Variants in IGDCC3 observed in about 807,000 individuals in gnomAD.
IGDCC3 encodes the protein immunoglobulin superfamily DCC subclass member 3.
Under a neutral mutation model 72.0 loss-of-function variants are expected in IGDCC3, and 47 were observed. The ratio of observed to expected loss-of-function variants is 0.65; its 90% CI spans 0.52 to 0.83. IGDCC3 has a LOEUF of 0.83. Ranked by LOEUF, IGDCC3 falls within the 40% of genes least tolerant of loss-of-function variation. The pLI, the probability that IGDCC3 is intolerant of heterozygous loss-of-function variation, is 0.00. For synonymous variants in IGDCC3, 477 were observed against 472.8 expected (o/e 1.01, Z -0.11); for missense variants, 1,038 against 1,091.3 (o/e 0.95, Z 0.69).
At chr15:65,360,706 T>C (rs1215705375) in intron 2 of IGDCC3, among the ~76,000 whole-genome samples, 2 of 152,240 alleles carry the variant, frequency 1.3e-5, no homozygotes, top group African/African-American at 4.8e-5. Flanking sequence ...TATTCAGCTC[T>C]GGCTCTGAAG....
At chr15:65,342,009 A>G (rs1003826365) in intron 2 of IGDCC3, among the ~76,000 whole-genome samples, 2 of 152,054 alleles carry the variant, frequency 1.3e-5, no homozygotes, top group African/African-American at 4.8e-5. Context: ...TCCTGGCCTC[A>G]AGTGATCCTC....
At chr15:65,369,029 G>T (rs1327875433) in intron 2 of IGDCC3, among the ~76,000 whole-genome samples, 2 of 152,172 alleles carry the variant, frequency 1.3e-5, no homozygotes, top group African/African-American at 2.4e-5. Context: ...GGAGACAGAT[G>T]GAATATCCAG....
intron 6 of IGDCC3, among the ~76,000 whole-genome samples, chr15:65,333,022 CGGAG>C (rs2090992404): frequency 6.6e-6 from 1 of 152,122 alleles, no homozygotes; most frequent in South Asian, 2.1e-4. Context: ...TTGACGGACC[CGGAG>C]GGCACGCAGA....
rs1361811969 is a variant in IGDCC3 at position 65,328,487 on chromosome 15, T to A, written c.*422A>T. ...TGAGAGCCAAAACAGCAAAAATCCA[T>A]CCTGAGAAAACAAAGTCGGTGGAGG... On this transcript the variant is annotated 3_prime_UTR_variant, in exon 14 of 14. Transcript: ENST00000327987. The A allele has an allele frequency of 6.4e-6, 1 of 155,224 alleles. No homozygotes were observed. The highest frequency in any genetic ancestry group is 1.4e-5 in the Non-Finnish European group (1 of 70,156). 9.6% of individuals were successfully genotyped at this position (155,224 alleles called of 1,614,324 possible).
intron 1 of IGDCC3, among the ~76,000 whole-genome samples, chr15:65,375,676 A>G (rs946143193): frequency 2.6e-5 from 4 of 152,264 alleles, no homozygotes; most frequent in African/African-American, 9.6e-5. Context: ...TGAAGCCCAG[A>G]GATGTCAAGT....
chr15:65,363,573 C>G (rs968429078), intron 2 of IGDCC3, among the ~76,000 whole-genome samples: 1 of 152,154 alleles, frequency 6.6e-6, no homozygotes, highest in African/African-American at 2.4e-5. Context: ...TGGCTATTGC[C>G]CAGGCAAGGG....
chr15:65,375,219 A>C lies in IGDCC3; in HGVS notation c.287T>G (p.Leu96Trp). ...CTCCAGCCTGAAGTGACGGATCATC[A>C]AGGACCCATTGGCCAGCAAGGTGGA... ...THSTLLANGS[L>W]MIRHFRLEPG... The change falls in exon 2 of 14, where the codon TTG becomes TGG. Residue 96 changes from leucine (L) to tryptophan (W), a missense_variant. Transcript: ENST00000327987. The C allele has an allele frequency of 6.2e-7, 1 of 1,614,198 alleles. No individual in the cohort carries two copies. The highest frequency in any genetic ancestry group is 1.1e-5 in the South Asian group (1 of 91,080).
chr15:65,355,834 A>G, intron 2 of IGDCC3: 1 of 430,400 alleles, frequency 2.3e-6, no homozygotes, highest in Non-Finnish European at 4.7e-6. Flanking sequence ...CGCTGGGGCG[A>G]GCGAGGCACC....
chr15:65,333,116 G>C, intron 6 of IGDCC3, 141 bp downstream of exon 6: 1 of 771,386 alleles, frequency 1.3e-6, no homozygotes, highest in Non-Finnish European at 2.0e-6. Flanking sequence ...CTTTGGCCTG[G>C]CCTGGGGGCC....
At position 65,329,869 on chromosome 15, in the gene IGDCC3, G is replaced by C; in HGVS notation, c.1859-5C>G. 1.9e-6 allele frequency: 3 copies of C among 1,613,848 alleles called. No homozygotes were observed. The highest frequency in any genetic ancestry group is 8.5e-7 in the Non-Finnish European group (1 of 1,180,008). On this transcript the variant is annotated splice_region_variant and splice_polypyrimidine_tract_variant and intron_variant, in intron 11 of 13. Transcript: ENST00000327987. The surrounding 1 kb of genome is among the most constrained non-coding windows in gnomAD (Gnocchi z 4.1). ...AGTCACATGGTGGGCTCAAGGCTGG[G>C]GACAGGGACGGGTTGGAGGCTTTGG...
rs566623651 is a variant in IGDCC3, at chr15:65,332,105, G to T, written c.984C>A (p.Ala328=). The change falls in exon 7 of 14, where the codon GCC becomes GCA. Residue 328 remains alanine (A), a splice_region_variant and synonymous_variant. Coordinates refer to ENST00000327987, the MANE Select transcript of IGDCC3 (RefSeq NM_004884.4). ...GGGGATGCTGCACAAACTCAGCTGG[G>T]GCTGCGAGTAGAGTCAGGAGGGTGG... ...RTAQGRLVVQ[A]PAEFVQHPQS... is the part of the protein sequence containing the mutation. 15 of 1,612,744 alleles carry T rather than the reference G, an allele frequency of 9.3e-6. No individual in the cohort carries two copies. In the South Asian group the frequency reaches 1.1e-4, roughly 12 times the overall value.
chr15:65,338,217 C>T (rs904156126), intron 2 of IGDCC3, among the ~76,000 whole-genome samples: 3 of 152,208 alleles, frequency 2.0e-5, no homozygotes, highest in Non-Finnish European at 2.9e-5. Context: ...CTTAAGCCCA[C>T]CTCCTGCTCA....
At chr15:65,337,335 C>T (rs1413164402) in intron 2 of IGDCC3, among the ~76,000 whole-genome samples, 1 of 152,172 alleles carries the variant, frequency 6.6e-6, no homozygotes, top group African/African-American at 2.4e-5. Flanking sequence ...GTGTGCGCCT[C>T]TTTGTACATG....
intron 1 of IGDCC3, among the ~76,000 whole-genome samples, chr15:65,375,968 A>C (rs2091356488): frequency 6.6e-6 from 1 of 152,242 alleles, no homozygotes; most frequent in Non-Finnish European, 1.5e-5. Context: ...AAAGAAATAC[A>C]GAGGGAGATA....
chr15:65,330,864 G>T, intron 9 of IGDCC3, 123 bp from the exon 10 acceptor site: 1 of 1,071,346 alleles, frequency 9.3e-7, no homozygotes, highest in Non-Finnish European at 1.3e-6. Context: ...AAGGGCATGT[G>T]CTTATGAAAG....
Position 65,368,939 on chromosome 15 carries a change from A to G in IGDCC3, c.409+6158T>C, listed in dbSNP as rs575567313. Among the ~76,000 whole-genome samples the G allele has an allele frequency of 2.6e-5, 4 of 152,262 alleles. No homozygotes were observed. In the South Asian group the frequency reaches 8.3e-4, roughly 32 times the overall value. On this transcript the variant is annotated intron_variant, in intron 2 of 13. Transcript: ENST00000327987. ...GTCCCAGAAGGCCACATGTTCATTT[A>G]GTTTTTACCAGGCTCCACAGGCAGG...
At chr15:65,374,915 G>A (rs967498406) in intron 2 of IGDCC3, among the ~76,000 whole-genome samples, 182 bp downstream of exon 2, 1 of 152,154 alleles carries the variant, frequency 6.6e-6, no homozygotes, top group East Asian at 1.9e-4. Flanking sequence ...AGTTAAACAA[G>A]CATCTGATAT....
At chr15:65,344,567 T>C (rs909446389) in intron 2 of IGDCC3, among the ~76,000 whole-genome samples, 5 of 152,188 alleles carry the variant, frequency 3.3e-5, no homozygotes, top group Admixed American at 6.5e-5. Flanking sequence ...CGCTTGGGAA[T>C]GTCTCAGCAT....
At chr15:65,347,434 T>C (rs773675437) in intron 2 of IGDCC3, among the ~76,000 whole-genome samples, 8 of 152,138 alleles carry the variant, frequency 5.3e-5, no homozygotes, top group Non-Finnish European at 1.0e-4. Flanking sequence ...ATACTAACAT[T>C]AAGATTCTAG....
Sources: allele counts gnomAD v4.1 joint callset (sites outside exome capture counted in the v4.1 genomes callset), GRCh38; gene constraint gnomAD v4.1.1; non-coding constraint Gnocchi (gnomAD v3.1); transcripts MANE v1.5; gene names NCBI Gene and HGNC (gene_info 2026-07-23, HGNC 2026-07-21).